MLPH: variants seen among roughly 807,000 people sequenced by gnomAD.
MLPH encodes melanophilin, also known as exophilin-3.
MLPH carries 51 observed loss-of-function variants against 72.1 expected under a neutral mutation model. The observed-to-expected ratio is 0.71, with a 90% CI of 0.56 to 0.89. The LOEUF (loss-of-function observed/expected upper bound fraction) is 0.89, where lower values mean the gene tolerates loss of function less well. MLPH is among the 40% of genes least tolerant of loss of function. The probability of loss-of-function intolerance (pLI) is 0.00; values close to 1 mark genes in which losing one functional copy is unlikely to be tolerated. For synonymous variants in MLPH, 301 were observed against 310.1 expected (o/e 0.97, Z 0.31); for missense variants, 743 against 759.9 (o/e 0.98, Z 0.26).
chr2:237,531,606 A>G (rs2080421742), intron 8 of MLPH, among the ~76,000 whole-genome samples: 1 of 152,174 alleles, frequency 6.6e-6, no homozygotes, highest in Non-Finnish European at 1.5e-5. Context: ...TCTCTAGTTC[A>G]TGTTTGTATA....
intron 9 of MLPH, among the ~76,000 whole-genome samples, chr2:237,535,337 C>T (rs4355063): frequency 0.17 from 25,870 of 152,070 alleles, 2,782 homozygotes; most frequent in East Asian, 0.34. Flanking sequence ...ACCTAATCAC[C>T]TCTTGAAGGT....
chr2:237,507,270 T>C (rs1284485972), intron 2 of MLPH: 2 of 152,090 alleles, frequency 1.3e-5, no homozygotes, highest in African/African-American at 4.8e-5. Context: ...TTTCACCACA[T>C]TGGCCGAGCT....
intron 14 of MLPH, among the ~76,000 whole-genome samples, chr2:237,549,766 C>G (rs952258922): frequency 6.6e-6 from 1 of 152,120 alleles, no homozygotes; most frequent in African/African-American, 2.4e-5. Flanking sequence ...AGGCTGGTAG[C>G]TCCTCCCCCC....
At chr2:237,493,587 C>T in intron 2 of MLPH, 51 bp downstream of exon 2, 2 of 1,424,614 alleles carry the variant, frequency 1.4e-6, no homozygotes, top group South Asian at 1.1e-5. Flanking sequence ...GATCTTCCCC[C>T]AGGGCCATCA....
At position 237,516,945 on chromosome 2, in the gene MLPH, G is replaced by GATGGATGGATGGA. The variant is rs1559350602; in HGVS notation, c.446-1594_446-1593insATGGATGGATGGA. Among the ~76,000 whole-genome samples, 179 of 109,602 alleles carry GATGGATGGATGGA rather than the reference G, an allele frequency of 1.6e-3. 5 individuals are homozygous for GATGGATGGATGGA. The highest frequency in any genetic ancestry group is 5.7e-3 in the African/African-American group (140 of 24,412). 71.9% of individuals were successfully genotyped at this position (109,602 alleles called of 152,430 possible). On this transcript the variant is annotated intron_variant, in intron 4 of 15. Transcript: ENST00000264605. ...GATGGATGGATGGATGGATGGATAG[G>GATGGATGGATGGA]TGGATAGGTGGATAGATAGGTGGAT...
chr2:237,493,269 A>G (rs1246173555), intron 1 of MLPH, 134 bp from the exon 2 acceptor site: 25 of 670,006 alleles, frequency 3.7e-5, no homozygotes, highest in East Asian at 1.9e-4. Flanking sequence ...GACAAGCATT[A>G]GAAAACCATT....
Position 237,553,049 on chromosome 2 carries a change from G to A in MLPH, c.1777-517G>A, listed in dbSNP as rs758626673. ...GGTTACAGCATTTTCTGGAGTTTAA[G>A]TGCCCTCCAGAGTTTTCCCATTGGT... On this transcript the variant is annotated intron_variant, in intron 15 of 15. Transcript: ENST00000264605. 27 of 463,682 alleles carry A rather than the reference G, an allele frequency of 5.8e-5. 1 individual carries two copies. Among genetic ancestry groups the A allele is most frequent in the South Asian group, 4.1e-4 (26 of 64,150 alleles). The allele number at this position is 463,682 out of a possible 1,614,324, so 28.7% of individuals were successfully genotyped here.
chr2:237,507,036 GT>G (rs1281374619), intron 2 of MLPH, among the ~76,000 whole-genome samples: 8 of 129,970 alleles, frequency 6.2e-5, no homozygotes, highest in Admixed American at 3.8e-4. Context: ...GGAGTTGGTA[GT>G]TTTTTTCCTT....
intron 9 of MLPH, among the ~76,000 whole-genome samples, chr2:237,539,366 AAG>A (rs1404505133): frequency 1.5e-4 from 23 of 152,282 alleles, no homozygotes; most frequent in Admixed American, 1.2e-3. Flanking sequence ...ATGAGAGAAA[AAG>A]AGGGGTCATG....
At position 237,497,830 on chromosome 2, in the gene MLPH, A is replaced by T. The variant is rs541553869; in HGVS notation, c.110+4294A>T. 5.4e-3 allele frequency among the ~76,000 whole-genome samples: 825 copies of T among 152,320 alleles called. 13 individuals carry two copies. Among genetic ancestry groups the T allele is most frequent in the African/African-American group, 0.019 (795 of 41,572 alleles). ...TCTCTGTAGCGTCTCTCTGGGTGAC[A>T]TCCTCGGGGTCCTCATGTCTGCTCC... On this transcript the variant is annotated intron_variant, in intron 2 of 15. Coordinates refer to ENST00000264605, the MANE Select transcript of MLPH (RefSeq NM_024101.7).
intron 14 of MLPH, among the ~76,000 whole-genome samples, chr2:237,551,824 C>CA (rs2081046598): frequency 6.6e-6 from 1 of 151,768 alleles, no homozygotes; most frequent in South Asian, 2.1e-4. Flanking sequence ...CTAAAAAATA[C>CA]AAAAATTAGC....
Position 237,520,006 on chromosome 2 carries a change from C to A in MLPH, c.652C>A (p.Pro218Thr). 6.2e-7 allele frequency: 1 copy of A among 1,613,966 alleles called. No homozygotes were observed. The highest frequency in any genetic ancestry group is 1.1e-5 in the South Asian group (1 of 91,080). The change falls in exon 6 of 16, where the codon CCT becomes ACT. Residue 218 changes from proline (P) to threonine (T), a missense_variant. Coordinates refer to ENST00000264605, the MANE Select transcript of MLPH (RefSeq NM_024101.7). ...TCACTCCCTGCACCTGTCCTCAGTC[C>A]CTGAGGCCAGGGACAGCCCACAGGT... ...QGHSLHLSSVPEARDSPQSLT... is the reference protein window; with the variant it reads ...QGHSLHLSSVTEARDSPQSLT...
intron 2 of MLPH, among the ~76,000 whole-genome samples, chr2:237,495,571 A>G (rs2079518318): frequency 6.6e-6 from 1 of 152,098 alleles, no homozygotes; most frequent in South Asian, 2.1e-4. Context: ...TCCGCAACAA[A>G]CCGTTAGGTG....
chr2:237,527,309 G>C, intron 7 of MLPH, 68 bp from the exon 8 acceptor site: 1 of 1,597,974 alleles, frequency 6.3e-7, no homozygotes. Flanking sequence ...TTTCTTCATT[G>C]GACTAAACAC....
intron 14 of MLPH, 63 bp downstream of exon 14, chr2:237,549,341 A>C (rs1216580276): frequency 1.5e-6 from 2 of 1,375,118 alleles, no homozygotes; most frequent in Non-Finnish European, 2.1e-6. Flanking sequence ...GAGGAAAATG[A>C]CCAGTCGCAG....
rs1204432587 is a variant in MLPH at position 237,553,660 on chromosome 2, A to G, written c.*68A>G. 1.9e-6 allele frequency: 3 copies of G among 1,603,052 alleles called. No homozygotes were observed. Among genetic ancestry groups the G allele is most frequent in the African/African-American group, 1.3e-5 (1 of 74,720 alleles). On this transcript the variant is annotated 3_prime_UTR_variant, in exon 16 of 16. Coordinates refer to ENST00000264605, the MANE Select transcript of MLPH (RefSeq NM_024101.7). Reference sequence around the variant, plus strand: ...CTCCACCACAGCCATCCTGTCCCTCATTGGCTCTGTGCTTTCCACTATACA... The same window carrying G: ...CTCCACCACAGCCATCCTGTCCCTCGTTGGCTCTGTGCTTTCCACTATACA...
intron 13 of MLPH, among the ~76,000 whole-genome samples, chr2:237,548,947 C>T (rs1197918771): frequency 2.0e-5 from 3 of 152,170 alleles, no homozygotes; most frequent in African/African-American, 7.2e-5. Context: ...GGATTTAAAC[C>T]AGACCTGCAG....
intron 6 of MLPH, among the ~76,000 whole-genome samples, chr2:237,520,334 A>G (rs76506829): frequency 0.025 from 3,847 of 151,980 alleles, 80 homozygotes; most frequent in South Asian, 0.074. Flanking sequence ...GACAGAAATA[A>G]GGCAGAACCC....
intron 2 of MLPH, among the ~76,000 whole-genome samples, chr2:237,493,877 C>T (rs1280973231): frequency 6.6e-6 from 1 of 152,168 alleles, no homozygotes; most frequent in Non-Finnish European, 1.5e-5. Flanking sequence ...TTCTGAAACA[C>T]CTAGATGTTG....
Sources: allele counts gnomAD v4.1 joint callset (sites outside exome capture counted in the v4.1 genomes callset), GRCh38; gene constraint gnomAD v4.1.1; transcripts MANE v1.5; gene names NCBI Gene and HGNC (gene_info 2026-07-23, HGNC 2026-07-21).